The following CCDC192 variants were observed in gnomAD, a reference collection of about 807,000 sequenced individuals.
CCDC192 encodes coiled-coil domain containing 192.
chr5:127,930,418 C>T (rs1295248918), intron 6 of CCDC192, among the ~76,000 whole-genome samples: 5 of 152,162 alleles, frequency 3.3e-5, no homozygotes, highest in Non-Finnish European at 5.9e-5. Context: ...AATTTCCTAA[C>T]CTCCCACCAG....
chr5:127,752,226 T>C (rs1241476353), intron 2 of CCDC192, among the ~76,000 whole-genome samples: 1 of 152,230 alleles, frequency 6.6e-6, no homozygotes, highest in East Asian at 1.9e-4. Context: ...GCTCTGTTTT[T>C]TCCCCATCTT....
intron 6 of CCDC192, among the ~76,000 whole-genome samples, chr5:127,896,610 T>G (rs1400032894): frequency 6.6e-6 from 1 of 152,066 alleles, no homozygotes; most frequent in Non-Finnish European, 1.5e-5. Flanking sequence ...ATTTGTTTTT[T>G]GTTTTTTGTA....
At chr5:127,734,856 A>T (rs1316403438) in intron 2 of CCDC192, among the ~76,000 whole-genome samples, 3 of 150,738 alleles carry the variant, frequency 2.0e-5, no homozygotes, top group African/African-American at 7.4e-5. Flanking sequence ...GGTTGCAAAA[A>T]TTTTCTCCCA....
chr5:127,841,040 G>C (rs1438734741), intron 5 of CCDC192, among the ~76,000 whole-genome samples: 3 of 152,286 alleles, frequency 2.0e-5, no homozygotes, highest in African/African-American at 7.2e-5. Flanking sequence ...ATAGAAATAA[G>C]ATGTGACCTG....
At chr5:127,824,700 TGGAGCATG>T (rs1459074914) in intron 5 of CCDC192, among the ~76,000 whole-genome samples, 1 of 152,218 alleles carries the variant, frequency 6.6e-6, no homozygotes, top group African/African-American at 2.4e-5. Flanking sequence ...TTGTGATTGC[TGGAGCATG>T]GGAGCCCTGT....
intron 2 of CCDC192, among the ~76,000 whole-genome samples, chr5:127,713,630 G>T (rs114115586): frequency 0.031 from 4,774 of 151,962 alleles, 246 homozygotes; most frequent in African/African-American, 0.11. Context: ...AAAAATCTTT[G>T]CCCGAGGCTA....
chr5:127,810,352 A>G (rs1446922300), intron 5 of CCDC192, among the ~76,000 whole-genome samples: 1 of 152,178 alleles, frequency 6.6e-6, no homozygotes, highest in Non-Finnish European at 1.5e-5. Flanking sequence ...CCAATTGGCC[A>G]AAAAAGAAGA....
At chr5:127,707,147 A>G (rs1751014442) in intron 1 of CCDC192, among the ~76,000 whole-genome samples, 1 of 152,228 alleles carries the variant, frequency 6.6e-6, no homozygotes, top group South Asian at 2.1e-4. Context: ...GCAAAAAAGA[A>G]AGAAAACTAG....
chr5:127,878,729 C>T (rs1752218041), intron 6 of CCDC192, among the ~76,000 whole-genome samples: 1 of 151,422 alleles, frequency 6.6e-6, no homozygotes, highest in Admixed American at 6.6e-5. Flanking sequence ...GTAGTTTTTT[C>T]CAATTCTGTG....
chr5:127,909,621 T>C (rs1348161672), intron 6 of CCDC192, among the ~76,000 whole-genome samples: 1 of 152,040 alleles, frequency 6.6e-6, no homozygotes, highest in East Asian at 1.9e-4. Context: ...GTCACATTGC[T>C]AGTTAATGGA....
intron 6 of CCDC192, among the ~76,000 whole-genome samples, chr5:127,887,892 A>G (rs1752615885): frequency 6.6e-6 from 1 of 151,718 alleles, no homozygotes; most frequent in African/African-American, 2.4e-5. Flanking sequence ...TTTAGTAGAG[A>G]CAGGGTTTCA....
chr5:127,821,559 CT>C (rs1166101819), intron 5 of CCDC192, among the ~76,000 whole-genome samples: 3 of 152,144 alleles, frequency 2.0e-5, no homozygotes, highest in Non-Finnish European at 4.4e-5. Context: ...CTTTTGTGAA[CT>C]TTATGCGCTT....
In CCDC192 at chr5:127,830,505, A is replaced by C. The variant is rs1020239686; in HGVS notation, c.411+32343A>C. On this transcript the variant is annotated intron_variant, in intron 5 of 6. Transcript: ENST00000514853. Reference sequence around the variant, plus strand: ...TCCTTATATGATCTTCCCTGTGTACATGGGCATGTCTAGTGCCTAAATTTC... The same window carrying C: ...TCCTTATATGATCTTCCCTGTGTACCTGGGCATGTCTAGTGCCTAAATTTC... 2.0e-5 allele frequency among the ~76,000 whole-genome samples: 3 copies of C among 152,156 alleles called. No individual in the cohort carries two copies. In the East Asian group the frequency reaches 5.8e-4, roughly 29 times the overall value.
chr5:127,894,389 C>T (rs1266931770), intron 6 of CCDC192, among the ~76,000 whole-genome samples: 2 of 151,888 alleles, frequency 1.3e-5, no homozygotes, highest in African/African-American at 4.8e-5. Context: ...AGACAGGTTT[C>T]ACCATGTTGG....
chr5:127,758,433 A>G (rs1754734006), intron 3 of CCDC192, among the ~76,000 whole-genome samples: 1 of 152,252 alleles, frequency 6.6e-6, no homozygotes, highest in Non-Finnish European at 1.5e-5. Context: ...ATGTCAAAAT[A>G]AAAGAAATAA....
At chr5:127,713,013 T>C (rs2126782852) in intron 2 of CCDC192, among the ~76,000 whole-genome samples, 1 of 152,270 alleles carries the variant, frequency 6.6e-6, no homozygotes, top group Admixed American at 6.5e-5. Flanking sequence ...GGTGGGCGGA[T>C]CACCTGTGGT....
intron 3 of CCDC192, among the ~76,000 whole-genome samples, chr5:127,781,439 A>G (rs556773091): frequency 1.3e-5 from 2 of 152,236 alleles, no homozygotes; most frequent in South Asian, 4.2e-4. Context: ...CATTTTCACA[A>G]TATTGATTCT....
intron 5 of CCDC192, 101 bp downstream of exon 5, chr5:127,798,263 C>T (rs947278044): frequency 3.1e-5 from 12 of 393,358 alleles, no homozygotes; most frequent in African/African-American, 2.1e-4. Context: ...TCGTCTGGAG[C>T]AAACCAAATC....
At chr5:127,909,003 C>A (rs965745576) in intron 6 of CCDC192, among the ~76,000 whole-genome samples, 2 of 152,074 alleles carry the variant, frequency 1.3e-5, no homozygotes, top group Non-Finnish European at 1.5e-5. Context: ...TAGTGTATAT[C>A]AAGAACTCAA....
Sources: gnomAD v4.1 joint callset for allele counts (sites outside exome capture counted in the v4.1 genomes callset) on GRCh38, gnomAD v4.1.1 for gene constraint, MANE v1.5 for transcripts, NCBI Gene and HGNC (gene_info 2026-07-23, HGNC 2026-07-21) for gene names.